The following ACVR2A variants were observed in gnomAD, a reference collection of about 807,000 sequenced individuals.
ACVR2A encodes activin receptor type-2A.
ACVR2A carries 7 observed loss-of-function variants against 61.4 expected under a neutral mutation model. The observed-to-expected ratio is 0.11, with a 90% CI of 0.06 to 0.21. The LOEUF is 0.21. ACVR2A is among the 10% of genes least tolerant of loss of function. ACVR2A has a pLI of 1.00. For missense variants in ACVR2A, 322 were observed against 621.7 expected, an observed-to-expected ratio of 0.52 and a Z score of 5.13; for synonymous variants, 193 against 208.3, an observed-to-expected ratio of 0.93 and a Z score of 0.63.
intron 1 of ACVR2A, among the ~76,000 whole-genome samples, chr2:147,850,179 A>G (rs1685409683): frequency 1.3e-5 from 2 of 150,014 alleles, no homozygotes; most frequent in South Asian, 2.1e-4. Flanking sequence ...TTCTTTGTCT[A>G]CTCCCTTTTC....
At chr2:147,913,145 A>T (rs1032169606) in intron 4 of ACVR2A, among the ~76,000 whole-genome samples, 1 of 151,956 alleles carries the variant, frequency 6.6e-6, no homozygotes, top group South Asian at 2.1e-4. Flanking sequence ...AATTAATGTT[A>T]TACTAAAATC....
At chr2:147,851,549 A>G (rs760517401) in intron 1 of ACVR2A, among the ~76,000 whole-genome samples, 8 of 152,088 alleles carry the variant, frequency 5.3e-5, no homozygotes, top group Non-Finnish European at 1.0e-4. Flanking sequence ...GTATATCAGT[A>G]TGGTGCCTTT....
intron 1 of ACVR2A, among the ~76,000 whole-genome samples, chr2:147,866,123 A>T (rs1685848712): frequency 1.3e-5 from 2 of 152,302 alleles, no homozygotes; most frequent in African/African-American, 4.8e-5. Flanking sequence ...TCAAGCATTA[A>T]AGCCAGAGGG....
intron 1 of ACVR2A, among the ~76,000 whole-genome samples, chr2:147,881,988 A>G (rs1461738089): frequency 1.3e-5 from 2 of 152,180 alleles, no homozygotes; most frequent in African/African-American, 4.8e-5. Context: ...ATTATTTTAA[A>G]AGGATGGTTG....
chr2:147,865,334 A>G (rs1653819464), intron 1 of ACVR2A, among the ~76,000 whole-genome samples: 1 of 152,232 alleles, frequency 6.6e-6, no homozygotes, highest in Non-Finnish European at 1.5e-5. Context: ...ACCAACTGTT[A>G]ACCTAAAGTA....
intron 4 of ACVR2A, among the ~76,000 whole-genome samples, chr2:147,901,672 A>G (rs1686874541): frequency 1.3e-5 from 2 of 152,010 alleles, no homozygotes; most frequent in Non-Finnish European, 1.5e-5. Flanking sequence ...ATTTCTGAAA[A>G]ATAAGGAAGA....
Position 147,857,343 on chromosome 2 carries a change from T to A in ACVR2A, c.55+12136T>A, listed in dbSNP as rs568521659. Among the ~76,000 whole-genome samples, 5 of 152,098 alleles carry A rather than the reference T, an allele frequency of 3.3e-5. No homozygotes were observed. The East Asian group carries it at 7.7e-4, about 24-fold the overall frequency. On this transcript the variant is annotated intron_variant, in intron 1 of 10. Transcript: ENST00000241416. The stretch of plus-strand genomic sequence containing the variant: ...TTAGACAGTATTTTTGTAATTAATA[T>A]CTAGCCTTGCATCTGTGATGGAAGG...
rs774671574 is a variant in ACVR2A, at chr2:147,899,578, A to G, written c.373+11A>G. On this transcript the variant is annotated intron_variant, in intron 3 of 10. Transcript: ENST00000241416. ...TGGAAGTCACACAGCGTAAGTTCAC[A>G]GGGAAAATACGTAGGTTTGCTCAAC... The G allele has an allele frequency of 6.2e-7, 1 of 1,607,002 alleles. No individual in the cohort carries two copies. The highest frequency in any genetic ancestry group is 1.1e-5 in the South Asian group (1 of 90,468).
chr2:147,851,309 C>G (rs923298796), intron 1 of ACVR2A, among the ~76,000 whole-genome samples: 7 of 151,958 alleles, frequency 4.6e-5, no homozygotes, highest in African/African-American at 1.7e-4. Flanking sequence ...GGATATAGAC[C>G]TAATTGGTTT....
At chr2:147,886,939 C>T (rs935860998) in intron 1 of ACVR2A, among the ~76,000 whole-genome samples, 3 of 151,954 alleles carry the variant, frequency 2.0e-5, no homozygotes, top group African/African-American at 7.3e-5. Flanking sequence ...AGGCTGAGTG[C>T]TTGGCTCACA....
At chr2:147,915,362 A>G in intron 5 of ACVR2A, 28 bp downstream of exon 5, 7 of 1,609,570 alleles carry the variant, frequency 4.3e-6, no homozygotes, top group Non-Finnish European at 5.9e-6. Flanking sequence ...TTGTCATCTT[A>G]CATACATGTT....
intron 1 of ACVR2A, among the ~76,000 whole-genome samples, chr2:147,852,104 T>C (rs1685464187): frequency 6.6e-6 from 1 of 152,080 alleles, no homozygotes; most frequent in African/African-American, 2.4e-5. Context: ...TAATTAAAAT[T>C]AGAATTTGAA....
rs191210186 is a variant in ACVR2A at position 147,918,362 on chromosome 2, A to G, written c.817-85A>G. 92 of 1,183,956 alleles carry G rather than the reference A, an allele frequency of 7.8e-5. No individual in the cohort carries two copies. The African/African-American group carries it at 1.1e-3, about 14-fold the overall frequency. 73.3% of individuals were successfully genotyped at this position (1,183,956 alleles called of 1,614,324 possible). On this transcript the variant is annotated intron_variant, in intron 6 of 10. Transcript: ENST00000241416. ...TTTTTCCCTGAAAGGGAAACTCACA[A>G]CCTCTTATAGGTAAAAAGAAAAGTC...
In ACVR2A at chr2:147,927,489, G is replaced by T; in HGVS notation, c.*215G>T. 2.3e-6 allele frequency: 1 copy of T among 438,764 alleles called. No homozygotes were observed. The highest frequency in any genetic ancestry group is 3.9e-6 in the Non-Finnish European group (1 of 253,270). The allele number at this position is 438,764 out of a possible 1,614,324, so 27.2% of individuals were successfully genotyped here. On this transcript the variant is annotated 3_prime_UTR_variant, in exon 11 of 11. Coordinates refer to ENST00000241416, the MANE Select transcript of ACVR2A (RefSeq NM_001616.5). ...AGGACATGAGACTAAGAGAAACCTTGCAAACTCTATAAAGAAACTTTTGAA... is the reference window on the plus strand; with the variant it reads ...AGGACATGAGACTAAGAGAAACCTTTCAAACTCTATAAAGAAACTTTTGAA...
At chr2:147,916,086 A>T (rs1434573677) in intron 5 of ACVR2A, among the ~76,000 whole-genome samples, 1 of 151,898 alleles carries the variant, frequency 6.6e-6, no homozygotes, top group Non-Finnish European at 1.5e-5. Flanking sequence ...AAGTTATCAT[A>T]TAAGCAGTTT....
At chr2:147,867,222 A>G (rs1685879205) in intron 1 of ACVR2A, among the ~76,000 whole-genome samples, 1 of 152,152 alleles carries the variant, frequency 6.6e-6, no homozygotes, top group African/African-American at 2.4e-5. Context: ...AATGTAGATG[A>G]GGAAGTGGTT....
chr2:147,896,563 T>A, intron 2 of ACVR2A, 55 bp downstream of exon 2: 1 of 1,540,838 alleles, frequency 6.5e-7, no homozygotes, highest in South Asian at 1.1e-5. Context: ...ACACTTCCCC[T>A]CTTTTTGAAA....
intron 1 of ACVR2A, among the ~76,000 whole-genome samples, chr2:147,852,642 A>C (rs1685474800): frequency 6.6e-6 from 1 of 152,110 alleles, no homozygotes; most frequent in African/African-American, 2.4e-5. Context: ...TAGTCGAATA[A>C]ATTAAGCACA....
intron 7 of ACVR2A, among the ~76,000 whole-genome samples, chr2:147,920,003 T>TA (rs1460787944): frequency 1.3e-5 from 2 of 152,094 alleles, no homozygotes; most frequent in African/African-American, 4.8e-5. Context: ...GCTTTATAGG[T>TA]AGGATTCCTT....
Sources: gnomAD v4.1 joint callset for allele counts (sites outside exome capture counted in the v4.1 genomes callset) on GRCh38, gnomAD v4.1.1 for gene constraint, MANE v1.5 for transcripts, NCBI Gene and HGNC (gene_info 2026-07-23, HGNC 2026-07-21) for gene names.